The following HIVEP3 variants were observed in gnomAD, a reference collection of about 807,000 sequenced individuals.
HIVEP3 encodes transcription factor HIVEP3.
In HIVEP3, 49 loss-of-function variants were observed where a neutral mutation model predicts 152.8. The ratio of observed to expected loss-of-function variants is 0.32; its 90% confidence interval spans 0.26 to 0.41. The LOEUF is 0.41. HIVEP3 is among the 10% of genes least tolerant of loss of function. HIVEP3 has a pLI of 1.00. For synonymous variants in HIVEP3, 1,269 were observed against 1,289.0 expected, an observed-to-expected ratio of 0.98 and a Z score of 0.33; for missense variants, 2,790 against 3,103.3, an observed-to-expected ratio of 0.90 and a Z score of 2.40.
At position 41,611,751 on chromosome 1, in the gene HIVEP3, G is replaced by C. The variant is rs571946302; in HGVS notation, c.-522+16998C>G. On this transcript the variant is annotated intron_variant, in intron 3 of 8. Coordinates refer to ENST00000372583, the MANE Select transcript of HIVEP3 (RefSeq NM_024503.5). ...TTTCTCCCACTGTCCTGGGCAACCA[G>C]GCAAGTCCTCTGTGAGATTGTGCTG... is the stretch of plus-strand genomic sequence containing the variant. Among the ~76,000 whole-genome samples the C allele has an allele frequency of 7.9e-5, 12 of 152,352 alleles. No homozygotes were observed. The South Asian group carries it at 2.5e-3, about 32-fold the overall frequency.
At chr1:41,899,900 C>T (rs1271168351) in intron 1 of HIVEP3, among the ~76,000 whole-genome samples, 1 of 152,166 alleles carries the variant, frequency 6.6e-6, no homozygotes, top group Non-Finnish European at 1.5e-5. Flanking sequence ...TTCTCCAAAT[C>T]TACATTATTG....
chr1:41,872,498 C>T (rs1644100264), intron 1 of HIVEP3, among the ~76,000 whole-genome samples: 1 of 152,148 alleles, frequency 6.6e-6, no homozygotes, highest in Non-Finnish European at 1.5e-5. Flanking sequence ...GAGTCCTTCT[C>T]AGGCCATATG....
chr1:41,534,258 C>A (rs1643342372), intron 5 of HIVEP3, among the ~76,000 whole-genome samples: 1 of 152,182 alleles, frequency 6.6e-6, no homozygotes, highest in Non-Finnish European at 1.5e-5. Context: ...CGGAGCGAAG[C>A]CCTGCATTCC....
chr1:41,616,016 T>A (rs1173774729), intron 3 of HIVEP3, among the ~76,000 whole-genome samples: 2 of 151,980 alleles, frequency 1.3e-5, no homozygotes, highest in East Asian at 3.9e-4. Context: ...TCTCAAGTGG[T>A]TTAACCAAAG....
In HIVEP3 at chr1:41,533,120, A is replaced by G. The variant is rs1643309558; in HGVS notation, c.5208-8210T>C. Among the ~76,000 whole-genome samples the G allele has an allele frequency of 6.6e-6, 1 of 152,142 alleles. No homozygotes were observed. The highest frequency in any genetic ancestry group is 1.5e-5 in the Non-Finnish European group (1 of 68,012). On this transcript the variant is annotated intron_variant, in intron 5 of 8. Coordinates refer to ENST00000372583, the MANE Select transcript of HIVEP3 (RefSeq NM_024503.5). This position sits in a 1 kb window ranked among gnomAD's most constrained non-coding sequence, Gnocchi z 4.3. Reference sequence around the variant, plus strand: ...CTTGAAAGAGGGCAGTCCTGGTTCAACGACCTGGAACCTGTGGCTCCTCTG... The same window carrying G: ...CTTGAAAGAGGGCAGTCCTGGTTCAGCGACCTGGAACCTGTGGCTCCTCTG...
intron 1 of HIVEP3, among the ~76,000 whole-genome samples, chr1:41,790,564 G>T (rs1649631096): frequency 6.6e-6 from 1 of 152,172 alleles, no homozygotes; most frequent in African/African-American, 2.4e-5. Context: ...GAGATAAGAG[G>T]TGGTAAATCT....
intron 1 of HIVEP3, among the ~76,000 whole-genome samples, chr1:42,014,626 C>T (rs1171606352): frequency 6.6e-6 from 1 of 152,160 alleles, no homozygotes; most frequent in Admixed American, 6.5e-5. Flanking sequence ...TTTCCATCAG[C>T]TTATTGTGTT....
At chr1:41,790,815 T>A (rs1158533256) in intron 1 of HIVEP3, among the ~76,000 whole-genome samples, 1 of 152,044 alleles carries the variant, frequency 6.6e-6, no homozygotes, top group Non-Finnish European at 1.5e-5. Context: ...ATCTCCTTGG[T>A]CCCTAACACT....
chr1:41,644,250 C>T (rs1309611229), intron 2 of HIVEP3, among the ~76,000 whole-genome samples: 1 of 152,072 alleles, frequency 6.6e-6, no homozygotes, highest in African/African-American at 2.4e-5. Flanking sequence ...GCTGTGGCCA[C>T]CTATTGTGCC....
At chr1:41,522,920 C>T (rs1399323023) in intron 6 of HIVEP3, among the ~76,000 whole-genome samples, 1 of 152,218 alleles carries the variant, frequency 6.6e-6, no homozygotes, top group Non-Finnish European at 1.5e-5. Flanking sequence ...ACTCCAAGTG[C>T]AGCTTTTTGC....
intron 1 of HIVEP3, among the ~76,000 whole-genome samples, chr1:41,995,433 G>A (rs72637920): frequency 0.095 from 14,448 of 152,040 alleles, 760 homozygotes; most frequent in South Asian, 0.19. Flanking sequence ...AAAAATGAGA[G>A]CAAATAAAGC....
chr1:41,509,272 G>A lies in HIVEP3; in HGVS notation c.*1179C>T, dbSNP rs1219242314. 6.6e-6 allele frequency: 1 copy of A among 152,206 alleles called. No homozygotes were observed. The highest frequency in any genetic ancestry group is 1.5e-5 in the Non-Finnish European group (1 of 68,048). The allele number at this position is 152,206 out of a possible 1,614,324, so 9.4% of individuals were successfully genotyped here. ...AAACAGGTCCAGGCCGTATCCACCAGCCACAGTTGTGGGTATTTCCTTGGG... is the reference window on the plus strand; with the variant it reads ...AAACAGGTCCAGGCCGTATCCACCAACCACAGTTGTGGGTATTTCCTTGGG... On this transcript the variant is annotated 3_prime_UTR_variant, in exon 9 of 9. Coordinates refer to ENST00000372583, the MANE Select transcript of HIVEP3 (RefSeq NM_024503.5).
At chr1:41,671,376 T>C (rs983461473) in intron 2 of HIVEP3, among the ~76,000 whole-genome samples, 2 of 152,312 alleles carry the variant, frequency 1.3e-5, no homozygotes, top group East Asian at 3.9e-4. Context: ...GTCCCAGAGA[T>C]GCAGCTCTGT....
At chr1:41,816,047 T>C (rs759530367) in intron 1 of HIVEP3, among the ~76,000 whole-genome samples, 4 of 152,166 alleles carry the variant, frequency 2.6e-5, no homozygotes, top group Non-Finnish European at 5.9e-5. Context: ...CTAATCAAGG[T>C]GGCCTTGGAA....
At chr1:41,854,426 C>A (rs890827274) in intron 1 of HIVEP3, among the ~76,000 whole-genome samples, 1 of 152,032 alleles carries the variant, frequency 6.6e-6, no homozygotes, top group Non-Finnish European at 1.5e-5. Context: ...CCCACTGACT[C>A]CTGTTCGCTC....
intron 1 of HIVEP3, among the ~76,000 whole-genome samples, chr1:41,836,315 C>T (rs998785082): frequency 1.3e-5 from 2 of 152,146 alleles, no homozygotes; most frequent in African/African-American, 4.8e-5. Context: ...GAGAGAAGAA[C>T]AAGGGAGGCA....
At chr1:41,871,756 T>C (rs891918821) in intron 1 of HIVEP3, among the ~76,000 whole-genome samples, 1 of 152,192 alleles carries the variant, frequency 6.6e-6, no homozygotes, top group African/African-American at 2.4e-5. Context: ...AATGATTTCA[T>C]AGAACAACCT....
intron 1 of HIVEP3, among the ~76,000 whole-genome samples, chr1:41,732,838 T>G (rs1646861797): frequency 6.6e-6 from 1 of 152,160 alleles, no homozygotes; most frequent in Non-Finnish European, 1.5e-5. Flanking sequence ...CCTGCAGGGA[T>G]CAGATGGGAC....
intron 1 of HIVEP3, among the ~76,000 whole-genome samples, chr1:41,706,199 C>T (rs1646430938): frequency 6.6e-6 from 1 of 152,264 alleles, no homozygotes; most frequent in Middle Eastern, 3.4e-3. Context: ...GTTTTTCAAC[C>T]CTTACCCCCT....
Sources: allele counts gnomAD v4.1 joint callset (sites outside exome capture counted in the v4.1 genomes callset), GRCh38; gene constraint gnomAD v4.1.1; non-coding constraint Gnocchi (gnomAD v3.1); transcripts MANE v1.5; gene names NCBI Gene and HGNC (gene_info 2026-07-23, HGNC 2026-07-21).